DSE: variants seen among roughly 807,000 people sequenced by gnomAD.
The protein encoded by DSE is dermatan-sulfate epimerase.
Under a neutral mutation model 84.4 loss-of-function variants are expected in DSE, and 36 were observed. The observed-to-expected ratio is 0.43, with a 90% CI of 0.33 to 0.56. DSE has a LOEUF of 0.56. Ranked by LOEUF, DSE falls within the 20% of genes least tolerant of loss-of-function variation. The pLI is 0.06. For synonymous variants in DSE, 410 were observed against 430.1 expected (o/e 0.95, Z 0.58); for missense variants, 862 against 1,169.6 (o/e 0.74, Z 3.84).
chr6:116,347,864 A>G (rs984670213), intron 2 of DSE, among the ~76,000 whole-genome samples: 16 of 152,244 alleles, frequency 1.1e-4, no homozygotes, highest in Non-Finnish European at 1.0e-4. Context: ...GGCAACCTAC[A>G]CAATGGGAGA....
intron 2 of DSE, chr6:116,401,136 G>A (rs1488822109): frequency 6.6e-6 from 1 of 152,104 alleles, no homozygotes; most frequent in East Asian, 1.9e-4. Context: ...GCACAATACA[G>A]TAACATGAGA....
At chr6:116,432,610 T>G (rs531950926) in intron 4 of DSE, 2 of 152,084 alleles carry the variant, frequency 1.3e-5, no homozygotes, top group Non-Finnish European at 2.9e-5. Flanking sequence ...TCAACTTCAT[T>G]TCTCTCTTTT....
rs1444681997 is a variant in DSE, at chr6:116,431,168, A to C, written c.885A>C (p.Ala295=). 1.9e-6 allele frequency: 3 copies of C among 1,614,204 alleles called. No homozygotes were observed. The East Asian group carries it at 6.7e-5, about 36-fold the overall frequency. Residue 295 remains alanine (A), a synonymous_variant, in exon 4 of 6, where the codon GCA becomes GCC. Transcript: ENST00000644252. ...ATCCGTGGCTTAAACAACACTTTGC[A>C]TTTATGTATAGAACCATCCTGCCAG... The part of the protein sequence containing the change: ...FGHPWLKQHF[A]FMYRTILPGF...
intron 2 of DSE, among the ~76,000 whole-genome samples, chr6:116,409,202 T>G (rs1782136905): frequency 6.6e-6 from 1 of 152,392 alleles, no homozygotes; most frequent in South Asian, 2.1e-4. Flanking sequence ...TATAAATTGA[T>G]GCCAAAGGCA....
intron 1 of DSE, among the ~76,000 whole-genome samples, chr6:116,376,651 G>A (rs923635576): frequency 2.6e-5 from 4 of 152,182 alleles, no homozygotes; most frequent in Non-Finnish European, 4.4e-5. Context: ...GATTTTGGTA[G>A]TGTTATCATT....
chr6:116,332,771 T>C (rs538984700), intron 2 of DSE, among the ~76,000 whole-genome samples: 226 of 152,252 alleles, frequency 1.5e-3, no homozygotes, highest in Middle Eastern at 3.4e-3. Flanking sequence ...AGCTACATGG[T>C]AAAATATATT....
Position 116,436,455 on chromosome 6 carries a change from C to G in DSE, c.1987C>G (p.Leu663Val), listed in dbSNP as rs1341866100. The G allele has an allele frequency of 4.3e-6, 7 of 1,614,166 alleles. No individual in the cohort carries two copies. In the South Asian group the frequency reaches 4.4e-5, roughly 10 times the overall value. The change falls in exon 6 of 6, where the codon CTC becomes GTC. Residue 663 changes from leucine to valine, a missense_variant. Around this residue, in one of 4 missense-constraint regions of DSE, gnomAD observed 186 missense variants for 255.1 expected, o/e 0.73. Transcript: ENST00000644252. ...AAGTCCCATCACCAGGGCAGCTTAC[C>G]TCTTCATAGGGCCATCTATAGATGT... ...LRSPITRAAYLFIGPSIDVQS... is the reference protein window; with the variant it reads ...LRSPITRAAYVFIGPSIDVQS...
Position 116,327,925 on chromosome 6 carries a change from C to T in DSE, c.-54+68958C>T, listed in dbSNP as rs142672766. ...TTTTAGTGTAAATTCAGGTCTGTTACTTAACATGGAGCTTCCGCCACAGAG... is the reference window on the plus strand; with the variant it reads ...TTTTAGTGTAAATTCAGGTCTGTTATTTAACATGGAGCTTCCGCCACAGAG... On this transcript the variant is annotated intron_variant, in intron 2 of 3. Transcript: ENST00000430252. 5.2e-3 allele frequency among the ~76,000 whole-genome samples: 795 copies of T among 152,290 alleles called. 9 individuals are homozygous for T. Among genetic ancestry groups the T allele is most frequent in the African/African-American group, 0.018 (766 of 41,552 alleles).
At chr6:116,281,591 G>A (rs1294819402) in intron 2 of DSE, among the ~76,000 whole-genome samples, 1 of 152,110 alleles carries the variant, frequency 6.6e-6, no homozygotes, top group African/African-American at 2.4e-5. Context: ...TTAGGCAAAT[G>A]CACAGAAAGA....
intron 1 of DSE, among the ~76,000 whole-genome samples, 183 bp downstream of exon 1, chr6:116,371,304 G>A (rs1337082232): frequency 6.6e-6 from 1 of 152,226 alleles, no homozygotes; most frequent in Non-Finnish European, 1.5e-5. Context: ...CTCCGAGAGA[G>A]CGCCTGACGC....
At chr6:116,348,630 T>C (rs1161688958) in intron 2 of DSE, among the ~76,000 whole-genome samples, 1 of 152,156 alleles carries the variant, frequency 6.6e-6, no homozygotes, top group African/African-American at 2.4e-5. Flanking sequence ...ACTGGGTATA[T>C]ACCCAAAGGA....
At chr6:116,289,342 A>G (rs1774134492) in intron 2 of DSE, among the ~76,000 whole-genome samples, 1 of 152,054 alleles carries the variant, frequency 6.6e-6, no homozygotes, top group South Asian at 2.1e-4. Context: ...TTTGTTTGTT[A>G]CTATACCAAA....
rs926763900 is a variant in DSE, at chr6:116,385,681, A to G, written c.-53-13517A>G. 3.9e-5 allele frequency among the ~76,000 whole-genome samples: 6 copies of G among 152,312 alleles called. No homozygotes were observed. In the South Asian group the frequency reaches 1.2e-3, roughly 32 times the overall value. ...AAGTCTGTGGTATTCTGAGTTGATT[A>G]TGATTCACAGGAGGACATTTGAAAA... On this transcript the variant is annotated intron_variant, in intron 1 of 5. Coordinates refer to ENST00000644252, the MANE Select transcript of DSE (RefSeq NM_013352.4).
intron 2 of DSE, chr6:116,278,514 A>G: frequency 6.2e-7 from 1 of 1,613,978 alleles, no homozygotes; most frequent in Non-Finnish European, 8.5e-7. Context: ...CCAAGGGCAA[A>G]TGTTAACCAG....
chr6:116,302,835 G>T (rs966316403), intron 2 of DSE, among the ~76,000 whole-genome samples: 3 of 152,044 alleles, frequency 2.0e-5, no homozygotes, highest in Non-Finnish European at 4.4e-5. Flanking sequence ...GTAAGGAAGG[G>T]GTCCAGTTGC....
chr6:116,307,857 T>A (rs937268078), intron 2 of DSE, among the ~76,000 whole-genome samples: 1 of 152,242 alleles, frequency 6.6e-6, no homozygotes, highest in South Asian at 2.1e-4. Context: ...ATGAACTGTT[T>A]AGTCAAGTTC....
At chr6:116,390,977 T>C (rs745440573) in intron 1 of DSE, among the ~76,000 whole-genome samples, 2 of 152,242 alleles carry the variant, frequency 1.3e-5, no homozygotes, top group African/African-American at 4.8e-5. Context: ...CACTAAATTA[T>C]GAATTTAGTT....
Position 116,436,980 on chromosome 6 carries a change from C to G in DSE, c.2512C>G (p.Gln838Glu). The change falls in exon 6 of 6, where the codon CAG becomes GAG. Residue 838 changes from glutamine (Q) to glutamate (E), a missense_variant. Transcript: ENST00000644252. The part of the protein sequence containing the change: ...QIEVNEKKIR[Q>E]KAQILAQKEL... Reference sequence around the variant, plus strand: ...TGAAGTCAATGAGAAAAAGATTAGACAGAAAGCTCAGATTTTGGCACAGAA... The same window carrying G: ...TGAAGTCAATGAGAAAAAGATTAGAGAGAAAGCTCAGATTTTGGCACAGAA... 1 of 1,613,924 alleles carries G rather than the reference C, an allele frequency of 6.2e-7. No homozygotes were observed. The highest frequency in any genetic ancestry group is 1.1e-5 in the South Asian group (1 of 91,088).
intron 2 of DSE, among the ~76,000 whole-genome samples, chr6:116,363,710 A>G (rs887183704): frequency 6.6e-5 from 10 of 152,226 alleles, no homozygotes; most frequent in African/African-American, 2.4e-4. Context: ...GGGAGAAATT[A>G]CATCATAAGT....
Sources: allele counts gnomAD v4.1 joint callset (sites outside exome capture counted in the v4.1 genomes callset), GRCh38; gene constraint gnomAD v4.1.1; regional missense constraint gnomAD v4.1.1; transcripts MANE v1.5; gene names NCBI Gene and HGNC (gene_info 2026-07-23, HGNC 2026-07-21).